Variants in TRPM7 observed in about 807,000 individuals in gnomAD.
The protein encoded by TRPM7 is transient receptor potential cation channel subfamily M member 7.
In TRPM7, 134 loss-of-function variants were observed where a neutral mutation model predicts 229.7. The observed-to-expected ratio is 0.58, with a 90% CI of 0.51 to 0.67. The LOEUF is 0.67. TRPM7 is among the 30% of genes least tolerant of loss of function. TRPM7 has a pLI of 0.00. For missense variants in TRPM7, 1,901 were observed against 2,210.0 expected (o/e 0.86, Z 2.80); for synonymous variants, 699 against 715.2 (o/e 0.98, Z 0.36).
At chr15:50,593,504 GTAAC>G in intron 25 of TRPM7, 109 bp downstream of exon 25, 1 of 1,143,254 alleles carries the variant, frequency 8.7e-7, no homozygotes, top group Non-Finnish European at 1.3e-6. Context: ...ATGTAAAACT[GTAAC>G]TATGCTTATT....
rs553531369 is a variant in TRPM7 at position 50,615,828 on chromosome 15, G to A, written c.1495-1565C>T. ...GAAGAATCGCTTGAACCCAGGATGC[G>A]GAAGTTGCAGTGAGCCAAGTTCACA... On this transcript the variant is annotated intron_variant, in intron 13 of 38. Transcript: ENST00000646667. Among the ~76,000 whole-genome samples, 48 of 152,002 alleles carry A rather than the reference G, an allele frequency of 3.2e-4. 1 individual carries two copies. The highest frequency in any genetic ancestry group is 3.4e-3 in the Middle Eastern group (1 of 294).
intron 10 of TRPM7, among the ~76,000 whole-genome samples, chr15:50,628,866 T>C (rs1490738469): frequency 6.6e-6 from 1 of 152,218 alleles, no homozygotes; most frequent in African/African-American, 2.4e-5. Flanking sequence ...CACCTTTCTG[T>C]GCACATACAA....
chr15:50,635,318 T>TAAAAAAAAA (rs71124393), intron 7 of TRPM7, among the ~76,000 whole-genome samples: 3 of 42,916 alleles, frequency 7.0e-5, no homozygotes, highest in Non-Finnish European at 8.3e-5. Context: ...CTCCCTCACA[T>TAAAAAAAAA]AAAAAAAAAA....
intron 13 of TRPM7, among the ~76,000 whole-genome samples, 199 bp downstream of exon 13, chr15:50,619,546 C>A (rs1324103518): frequency 6.6e-6 from 1 of 151,934 alleles, no homozygotes; most frequent in Non-Finnish European, 1.5e-5. Flanking sequence ...CATAAACTCT[C>A]TTTTTTTCTT....
chr15:50,616,234 T>C (rs2060218350), intron 13 of TRPM7, among the ~76,000 whole-genome samples: 2 of 152,160 alleles, frequency 1.3e-5, no homozygotes, highest in Non-Finnish European at 2.9e-5. Context: ...AAGTTACCAA[T>C]TTGAATAAAA....
intron 38 of TRPM7, among the ~76,000 whole-genome samples, chr15:50,562,108 CT>C (rs2053343716): frequency 6.6e-6 from 1 of 151,808 alleles, no homozygotes; most frequent in Admixed American, 6.6e-5. Context: ...GTTGGTCAGG[CT>C]GGTCTTGAAC....
chr15:50,605,483 C>T (rs1174270931), intron 20 of TRPM7, among the ~76,000 whole-genome samples: 1 of 152,176 alleles, frequency 6.6e-6, no homozygotes, highest in Admixed American at 6.5e-5. Flanking sequence ...TAGTAGCTGC[C>T]AAACCTGCCT....
Position 50,559,677 on chromosome 15 carries a change from C to T in TRPM7, c.*2001G>A, listed in dbSNP as rs2053237513. The T allele has an allele frequency of 6.6e-6, 1 of 152,034 alleles. No homozygotes were observed. The highest frequency in any genetic ancestry group is 2.4e-5 in the African/African-American group (1 of 41,384). The allele number at this position is 152,034 out of a possible 1,614,324, so 9.4% of individuals were successfully genotyped here. ...AATCTGCAAAACAGGATAATAACAC[C>T]TATTTCTTTATAACATTGTTATAAG... On this transcript the variant is annotated 3_prime_UTR_variant, in exon 39 of 39. Coordinates refer to ENST00000646667, the MANE Select transcript of TRPM7 (RefSeq NM_017672.6).
intron 1 of TRPM7, among the ~76,000 whole-genome samples, chr15:50,677,565 C>G (rs1461855391): frequency 1.3e-5 from 2 of 151,358 alleles, no homozygotes; most frequent in Non-Finnish European, 2.9e-5. Context: ...ATGGTGAAAC[C>G]CCATCCCTAC....
At chr15:50,669,028 T>G (rs1198438092) in intron 1 of TRPM7, among the ~76,000 whole-genome samples, 1 of 152,140 alleles carries the variant, frequency 6.6e-6, no homozygotes, top group East Asian at 1.9e-4. Context: ...TGTGATAAGT[T>G]AAGAATGTCA....
intron 5 of TRPM7, among the ~76,000 whole-genome samples, 166 bp from the exon 6 acceptor site, chr15:50,639,714 G>A (rs542967245): frequency 1.3e-5 from 2 of 151,088 alleles, no homozygotes; most frequent in African/African-American, 2.4e-5. Context: ...CTACAGGTGC[G>A]TGCTAAGACA....
At chr15:50,571,872 T>C (rs1428314331) in intron 36 of TRPM7, among the ~76,000 whole-genome samples, 1 of 152,246 alleles carries the variant, frequency 6.6e-6, no homozygotes, top group Non-Finnish European at 1.5e-5. Context: ...ACATAAACTT[T>C]GTTGATAAAG....
intron 36 of TRPM7, among the ~76,000 whole-genome samples, chr15:50,570,652 G>A (rs1341021121): frequency 7.2e-6 from 1 of 138,424 alleles, no homozygotes; most frequent in Non-Finnish European, 1.5e-5. Flanking sequence ...AGACCAGCCT[G>A]ACCAACATGG....
At chr15:50,661,409 T>C (rs1176497979) in intron 2 of TRPM7, among the ~76,000 whole-genome samples, 2 of 152,196 alleles carry the variant, frequency 1.3e-5, no homozygotes, top group Non-Finnish European at 1.5e-5. Flanking sequence ...CCAAATGTTA[T>C]TAATAATGAC....
rs368748177 is a variant in TRPM7, at chr15:50,684,517, T to A, written c.3+2014A>T. Among the ~76,000 whole-genome samples the A allele has an allele frequency of 7.2e-5, 11 of 152,056 alleles. No individual in the cohort carries two copies. The East Asian group carries it at 9.7e-4, about 13-fold the overall frequency. ...TTAGCCGGGTGTGGTGGCTCGCACC[T>A]GGAGTCCCAGCTACTCGGGAGGCTG... On this transcript the variant is annotated intron_variant, in intron 1 of 38. Coordinates refer to ENST00000646667, the MANE Select transcript of TRPM7 (RefSeq NM_017672.6).
At chr15:50,673,470 C>T (rs1238866052) in intron 1 of TRPM7, among the ~76,000 whole-genome samples, 1 of 152,056 alleles carries the variant, frequency 6.6e-6, no homozygotes, top group South Asian at 2.1e-4. Context: ...CATTCTTATG[C>T]CTTTGCGTCC....
chr15:50,634,368 T>C lies in TRPM7; in HGVS notation c.1007+14A>G. 1 of 1,476,066 alleles carries C rather than the reference T, an allele frequency of 6.8e-7. No individual in the cohort carries two copies. The highest frequency in any genetic ancestry group is 1.5e-5 in the South Asian group (1 of 67,020). The allele number at this position is 1,476,066 out of a possible 1,614,324, so 91.4% of individuals were successfully genotyped here. ...AAATAAATAAAATTAATTAAAATGT[T>C]GTCATACACTTACCCTCCTTCTTCT... On this transcript the variant is annotated intron_variant, in intron 8 of 38. Transcript: ENST00000646667.
In TRPM7 at chr15:50,648,705, A is replaced by T; in HGVS notation, c.303T>A (p.Ser101=). ...AYGVINFQGG[S]HSYRAKYVRL... ...GACATACCTTAGCTCTGTAGGAATG[A>T]GAACCCCCTTGAAAATTTATGACTC... Residue 101 remains serine, a synonymous_variant, in exon 4 of 39, where the codon TCT becomes TCA. Transcript: ENST00000646667. 1 of 1,607,822 alleles carries T rather than the reference A, an allele frequency of 6.2e-7. No individual in the cohort carries two copies. Among genetic ancestry groups the T allele is most frequent in the Non-Finnish European group, 8.5e-7 (1 of 1,176,654 alleles).
chr15:50,633,336 C>A (rs1282170965), intron 8 of TRPM7, among the ~76,000 whole-genome samples: 5 of 152,176 alleles, frequency 3.3e-5, no homozygotes, highest in African/African-American at 1.2e-4. Flanking sequence ...AACATAGGAA[C>A]TCACATTTTT....
Sources: allele counts gnomAD v4.1 joint callset (sites outside exome capture counted in the v4.1 genomes callset), GRCh38; gene constraint gnomAD v4.1.1; transcripts MANE v1.5; gene names NCBI Gene and HGNC (gene_info 2026-07-23, HGNC 2026-07-21).